LAMP3: variants seen among roughly 807,000 people sequenced by gnomAD.
LAMP3 encodes lysosome-associated membrane glycoprotein 3.
A neutral mutation model predicts 34.8 loss-of-function variants in LAMP3; 26 were observed. The ratio of observed to expected loss-of-function variants is 0.75; its 90% CI spans 0.55 to 1.04. The LOEUF (loss-of-function observed/expected upper bound fraction) is 1.04, where lower values mean the gene tolerates loss of function less well. Ranked by LOEUF, LAMP3 falls within the 50% of genes least tolerant of loss-of-function variation. The pLI is 0.00. For missense variants in LAMP3, 495 were observed against 524.0 expected (o/e 0.94, Z 0.54); for synonymous variants, 180 against 201.9 (o/e 0.89, Z 0.92).
At chr3:183,131,040 G>T (rs900786541) in intron 5 of LAMP3, among the ~76,000 whole-genome samples, 1 of 152,188 alleles carries the variant, frequency 6.6e-6, no homozygotes, top group African/African-American at 2.4e-5. Context: ...TTATTTACTG[G>T]CCATTCCAAT....
At chr3:183,139,063 T>A (rs1720190274) in intron 4 of LAMP3, among the ~76,000 whole-genome samples, 1 of 152,112 alleles carries the variant, frequency 6.6e-6, no homozygotes, top group South Asian at 2.1e-4. Flanking sequence ...TCGATTCCTC[T>A]CCACTCCCCC....
At position 183,154,047 on chromosome 3, in the gene LAMP3, A is replaced by C; in HGVS notation, c.394T>G (p.Tyr132Asp). ...EVTVGPSLAP[Y>D]SLPPTITPPA... The stretch of plus-strand genomic sequence containing the variant: ...GGGGTGATGGTGGGTGGCAGTGAAT[A>C]AGGGGCTAAGCTAGGGCCGACTGTA... The change falls in exon 2 of 6, where the codon TAT (tyrosine) becomes GAT (aspartate). Residue 132 changes from tyrosine to aspartate, a missense_variant. Coordinates refer to ENST00000265598, the MANE Select transcript of LAMP3 (RefSeq NM_014398.4). The C allele has an allele frequency of 6.2e-7, 1 of 1,614,088 alleles. No homozygotes were observed. The highest frequency in any genetic ancestry group is 8.5e-7 in the Non-Finnish European group (1 of 1,180,018).
chr3:183,133,327 C>T (rs1353537460), intron 5 of LAMP3, among the ~76,000 whole-genome samples: 3 of 152,140 alleles, frequency 2.0e-5, no homozygotes, highest in Non-Finnish European at 4.4e-5. Flanking sequence ...GACTCTCAAA[C>T]TAGAGTAATT....
At chr3:183,136,973 A>C (rs969000834) in intron 4 of LAMP3, among the ~76,000 whole-genome samples, 2 of 151,964 alleles carry the variant, frequency 1.3e-5, no homozygotes, top group African/African-American at 2.4e-5. Flanking sequence ...ATGCCACCAC[A>C]CTCCAGCCTG....
At chr3:183,145,637 G>A (rs1720417021) in intron 3 of LAMP3, among the ~76,000 whole-genome samples, 1 of 152,062 alleles carries the variant, frequency 6.6e-6, no homozygotes, top group Non-Finnish European at 1.5e-5. Context: ...GGGCGGATCA[G>A]CTGAGGTCAG....
At position 183,124,290 on chromosome 3, in the gene LAMP3, A is replaced by G. The variant is rs1314509021; in HGVS notation, c.1118-76T>C. 3 of 1,311,076 alleles carry G rather than the reference A, an allele frequency of 2.3e-6. No homozygotes were observed. In the East Asian group the frequency reaches 8.1e-5, roughly 36 times the overall value. The allele number at this position is 1,311,076 out of a possible 1,614,324, so 81.2% of individuals were successfully genotyped here. A position where few individuals can be genotyped will look rare whatever the true frequency, so the allele number is the denominator to read the frequency against. ...CCAGAAAGCAGGCTAGAGGGGAAAG[A>G]AGATGAGCTTTGGCATCAAACAAAG... On this transcript the variant is annotated intron_variant, in intron 5 of 5. Transcript: ENST00000265598.
rs770636701 is a variant in LAMP3 at position 183,140,607 on chromosome 3, T to C, written c.889-12A>G. On this transcript the variant is annotated splice_polypyrimidine_tract_variant and intron_variant, in intron 3 of 5. Transcript: ENST00000265598. ...TATGATTCTTCATCCTGTAAAACAG[T>C]AGGGTGTTAACCTTTGGGTTATCTC... is the stretch of plus-strand genomic sequence containing the variant. 5.1e-5 allele frequency: 80 copies of C among 1,569,466 alleles called. 1 individual carries two copies. In the South Asian group the frequency reaches 8.1e-4, roughly 16 times the overall value.
Position 183,124,226 on chromosome 3 carries a change from A to C in LAMP3, c.1118-12T>G, listed in dbSNP as rs1719731402. ...CGAGCACTCATCCACTAAGAGAGAA[A>C]ACAAATACAATACAGTGGGTAAGGT... On this transcript the variant is annotated splice_polypyrimidine_tract_variant and intron_variant, in intron 5 of 5. Coordinates refer to ENST00000265598, the MANE Select transcript of LAMP3 (RefSeq NM_014398.4). 1.3e-6 allele frequency: 2 copies of C among 1,558,516 alleles called. No homozygotes were observed. The highest frequency in any genetic ancestry group is 4.1e-5 in the Admixed American group (2 of 49,036).
chr3:183,148,576 T>A (rs898611141), intron 3 of LAMP3, among the ~76,000 whole-genome samples: 2 of 152,316 alleles, frequency 1.3e-5, no homozygotes, highest in South Asian at 4.1e-4. Context: ...TAAAATGGCA[T>A]ACAGGTCTAT....
intron 3 of LAMP3, among the ~76,000 whole-genome samples, chr3:183,144,421 G>A (rs1438155605): frequency 6.6e-6 from 1 of 152,124 alleles, no homozygotes; most frequent in East Asian, 1.9e-4. Flanking sequence ...CTAAGAGGAG[G>A]AAGTCTCTCA....
intron 3 of LAMP3, among the ~76,000 whole-genome samples, chr3:183,147,440 A>T (rs1299263586): frequency 6.6e-6 from 1 of 151,930 alleles, no homozygotes; most frequent in Non-Finnish European, 1.5e-5. Flanking sequence ...TTTGTCTCCC[A>T]ATTTCTGAGT....
rs549555850 is a variant in LAMP3, at chr3:183,156,480, C to T, written c.50-2089G>A. 4.6e-5 allele frequency among the ~76,000 whole-genome samples: 7 copies of T among 152,276 alleles called. No homozygotes were observed. The South Asian group carries it at 1.5e-3, about 32-fold the overall frequency. On this transcript the variant is annotated intron_variant, in intron 1 of 5. Transcript: ENST00000265598. ...TTCTCAGTGTTTACCCACAGACTCTCAGGAGAGCTGGAGCTGTCCTGTGCT... is the reference window on the plus strand; with the variant it reads ...TTCTCAGTGTTTACCCACAGACTCTTAGGAGAGCTGGAGCTGTCCTGTGCT...
At chr3:183,127,325 G>T (rs988828822) in intron 5 of LAMP3, among the ~76,000 whole-genome samples, 5 of 152,042 alleles carry the variant, frequency 3.3e-5, no homozygotes, top group Non-Finnish European at 7.4e-5. Flanking sequence ...GAAGAGATGG[G>T]GTCCTTACTA....
At chr3:183,155,910 T>C (rs996924170) in intron 1 of LAMP3, among the ~76,000 whole-genome samples, 5 of 152,230 alleles carry the variant, frequency 3.3e-5, no homozygotes, top group African/African-American at 1.2e-4. Context: ...AGTAAAACTC[T>C]TCATGGACCA....
At chr3:183,144,028 C>T (rs1720366786) in intron 3 of LAMP3, among the ~76,000 whole-genome samples, 1 of 152,140 alleles carries the variant, frequency 6.6e-6, no homozygotes. Flanking sequence ...TCCTAAGGTC[C>T]CCCTGTCCAC....
chr3:183,124,993 ATTAT>A (rs1176508552), intron 5 of LAMP3, among the ~76,000 whole-genome samples: 1 of 152,208 alleles, frequency 6.6e-6, no homozygotes, highest in African/African-American at 2.4e-5. Flanking sequence ...AACAGACCAA[ATTAT>A]TTATGAGAGC....
chr3:183,149,044 C>T (rs1329944304), intron 3 of LAMP3, among the ~76,000 whole-genome samples: 1 of 152,138 alleles, frequency 6.6e-6, no homozygotes, highest in Non-Finnish European at 1.5e-5. Context: ...CTGTAACAAC[C>T]TGGATGCAAC....
At chr3:183,136,032 A>G in intron 4 of LAMP3, 145 bp from the exon 5 acceptor site, 2 of 688,920 alleles carry the variant, frequency 2.9e-6, no homozygotes, top group Non-Finnish European at 5.1e-6. Flanking sequence ...TCCCCATGAA[A>G]AAACACCCTG....
intron 3 of LAMP3, among the ~76,000 whole-genome samples, chr3:183,149,982 C>T (rs185691686): frequency 1.1e-4 from 17 of 152,266 alleles, no homozygotes; most frequent in Non-Finnish European, 1.5e-4. Flanking sequence ...GCCTACCTCC[C>T]GGCGAAGGTC....
Sources: gnomAD v4.1 joint callset for allele counts (sites outside exome capture counted in the v4.1 genomes callset) on GRCh38, gnomAD v4.1.1 for gene constraint, MANE v1.5 for transcripts, NCBI Gene and HGNC (gene_info 2026-07-23, HGNC 2026-07-21) for gene names.